The following EPHB1 variants were observed in gnomAD, a reference collection of about 807,000 sequenced individuals.
The protein encoded by EPHB1 is ephrin type-B receptor 1.
Under a neutral mutation model 94.4 loss-of-function variants are expected in EPHB1, and 30 were observed. That is an observed-to-expected ratio of 0.32 (90% CI 0.24 to 0.43). The LOEUF is 0.43. Ranked by LOEUF, EPHB1 falls within the 20% of genes least tolerant of loss-of-function variation. EPHB1 has a pLI of 1.00. For missense variants in EPHB1, 1,055 were observed against 1,308.3 expected (o/e 0.81, Z 2.99); for synonymous variants, 522 against 489.1 (o/e 1.07, Z -0.89).
intron 9 of EPHB1, among the ~76,000 whole-genome samples, chr3:135,179,198 G>A (rs763197721): frequency 7.9e-5 from 12 of 152,050 alleles, no homozygotes; most frequent in South Asian, 2.1e-4. Context: ...CAGTGTGTCC[G>A]AAGGCATGAA....
chr3:134,811,256 T>TTG (rs537684783), intron 1 of EPHB1, among the ~76,000 whole-genome samples: 17,042 of 134,934 alleles, frequency 0.13, 2,911 homozygotes, highest in African/African-American at 0.35. Flanking sequence ...TTTTTTTTTT[T>TTG]TTTTTTTCTG....
At chr3:135,040,263 T>C (rs1361003074) in intron 3 of EPHB1, among the ~76,000 whole-genome samples, 1 of 152,244 alleles carries the variant, frequency 6.6e-6, no homozygotes, top group Non-Finnish European at 1.5e-5. Context: ...TCGAGATACA[T>C]ACACTATAAT....
intron 3 of EPHB1, among the ~76,000 whole-genome samples, chr3:134,962,484 G>A (rs2107722424): frequency 6.6e-6 from 1 of 152,284 alleles, no homozygotes; most frequent in South Asian, 2.1e-4. Context: ...CTGTAGATGG[G>A]ACAGGACAAG....
At chr3:135,239,643 A>C (rs370888906) in intron 12 of EPHB1, among the ~76,000 whole-genome samples, 17 of 152,350 alleles carry the variant, frequency 1.1e-4, no homozygotes, top group African/African-American at 3.8e-4. Flanking sequence ...CAGCCTTGGC[A>C]AGAACCCTGT....
chr3:134,992,300 A>G (rs1934835749), intron 3 of EPHB1, among the ~76,000 whole-genome samples: 1 of 152,118 alleles, frequency 6.6e-6, no homozygotes, highest in Admixed American at 6.5e-5. Context: ...CCTGCTCTGT[A>G]GGAGTCTCTC....
chr3:135,214,957 A>G (rs1193236239), intron 12 of EPHB1, among the ~76,000 whole-genome samples: 3 of 152,156 alleles, frequency 2.0e-5, no homozygotes, highest in African/African-American at 7.2e-5. Context: ...ACTTGGGCCT[A>G]GTTCTCTTCA....
chr3:134,922,247 G>T (rs1255530975), intron 1 of EPHB1, among the ~76,000 whole-genome samples: 1 of 152,170 alleles, frequency 6.6e-6, no homozygotes, highest in South Asian at 2.1e-4. Context: ...AAATGAGTGC[G>T]CTCTTCCTCT....
intron 2 of EPHB1, among the ~76,000 whole-genome samples, chr3:134,937,663 T>C (rs930867744): frequency 1.3e-5 from 2 of 152,182 alleles, no homozygotes; most frequent in Non-Finnish European, 2.9e-5. Flanking sequence ...ATGCCATCAG[T>C]CTCTCCCAGG....
At chr3:134,877,499 G>C (rs563660716) in intron 1 of EPHB1, among the ~76,000 whole-genome samples, 296 of 152,182 alleles carry the variant, frequency 1.9e-3, no homozygotes, top group Admixed American at 3.9e-3. Flanking sequence ...TTGCTGCTGG[G>C]TGGTTTGCTG....
chr3:135,071,461 A>G (rs1164102141), intron 3 of EPHB1, among the ~76,000 whole-genome samples: 5 of 152,318 alleles, frequency 3.3e-5, no homozygotes, highest in Admixed American at 6.5e-5. Flanking sequence ...CACTGGGGAA[A>G]GGATTTAGGT....
intron 11 of EPHB1, among the ~76,000 whole-genome samples, chr3:135,194,000 G>T (rs1942531711): frequency 6.6e-6 from 1 of 152,178 alleles, no homozygotes; most frequent in Non-Finnish European, 1.5e-5. Flanking sequence ...GGTGGTCAGT[G>T]CCATCTTTCT....
chr3:135,222,633 A>T (rs1173486158), intron 12 of EPHB1, among the ~76,000 whole-genome samples: 1 of 152,198 alleles, frequency 6.6e-6, no homozygotes, highest in African/African-American at 2.4e-5. Flanking sequence ...AACAGGGAGT[A>T]AACATGAGGA....
At chr3:134,953,016 T>C (rs1436680569) in intron 3 of EPHB1, among the ~76,000 whole-genome samples, 2 of 152,148 alleles carry the variant, frequency 1.3e-5, no homozygotes, top group African/African-American at 2.4e-5. Context: ...GAAGCCTTCC[T>C]ATATGGACCT....
intron 3 of EPHB1, among the ~76,000 whole-genome samples, chr3:135,038,246 G>A (rs543522921): frequency 6.6e-6 from 1 of 152,316 alleles, no homozygotes; most frequent in South Asian, 2.1e-4. Flanking sequence ...ATCCAAAGAA[G>A]AGATGGTGCC....
intron 12 of EPHB1, 49 bp downstream of exon 12, chr3:135,201,738 G>A (rs1942763496): frequency 6.4e-7 from 1 of 1,565,814 alleles, no homozygotes; most frequent in African/African-American, 1.4e-5. Context: ...TGAGTTAAAG[G>A]GGACTCTACA....
intron 12 of EPHB1, among the ~76,000 whole-genome samples, chr3:135,226,319 C>A (rs1185533369): frequency 1.3e-5 from 2 of 152,252 alleles, no homozygotes; most frequent in African/African-American, 4.8e-5. Context: ...TCTGTCCCAG[C>A]AGCTGGCCTG....
Position 135,083,946 on chromosome 3 carries a change from A to G in EPHB1, c.806-22502A>G, listed in dbSNP as rs531445964. 6.6e-5 allele frequency among the ~76,000 whole-genome samples: 10 copies of G among 152,192 alleles called. No homozygotes were observed. The South Asian group carries it at 1.9e-3, about 28-fold the overall frequency. Reference sequence around the variant, plus strand: ...CCCTTCCCAGGAGCAGGTGATGATGACAGTTCAGTAGGTGTGTTTGTGGTG... The same window carrying G: ...CCCTTCCCAGGAGCAGGTGATGATGGCAGTTCAGTAGGTGTGTTTGTGGTG... On this transcript the variant is annotated intron_variant, in intron 3 of 15. Transcript: ENST00000398015.
intron 1 of EPHB1, among the ~76,000 whole-genome samples, chr3:134,849,267 A>G (rs1302700953): frequency 6.6e-6 from 1 of 152,216 alleles, no homozygotes; most frequent in African/African-American, 2.4e-5. Flanking sequence ...GGCCTGAAGA[A>G]CAGCATTCTG....
chr3:135,129,490 C>A (rs891823698), intron 4 of EPHB1, among the ~76,000 whole-genome samples: 1 of 152,206 alleles, frequency 6.6e-6, no homozygotes, highest in African/African-American at 2.4e-5. Flanking sequence ...TCCTGTCTCA[C>A]GCTGGAGAGG....
Sources: gnomAD v4.1 joint callset for allele counts (sites outside exome capture counted in the v4.1 genomes callset) on GRCh38, gnomAD v4.1.1 for gene constraint, MANE v1.5 for transcripts, NCBI Gene and HGNC (gene_info 2026-07-23, HGNC 2026-07-21) for gene names.